SHOC2: variants seen among roughly 807,000 people sequenced by gnomAD.
SHOC2 encodes leucine-rich repeat protein SHOC-2.
Under a neutral mutation model 50.2 loss-of-function variants are expected in SHOC2, and 4 were observed. The observed-to-expected ratio is 0.08, with a 90% confidence interval of 0.04 to 0.18. The LOEUF (loss-of-function observed/expected upper bound fraction) is 0.18. Ranked by LOEUF, SHOC2 falls within the 10% of genes least tolerant of loss-of-function variation. SHOC2 has a pLI of 1.00. For missense variants in SHOC2, 388 were observed against 669.6 expected, an observed-to-expected ratio of 0.58 and a Z score of 4.64; for synonymous variants, 218 against 244.5, an observed-to-expected ratio of 0.89 and a Z score of 1.01.
In SHOC2 at chr10:111,009,258, T is replaced by C; in HGVS notation, c.1295T>C (p.Leu432Ser). The C allele has an allele frequency of 1.3e-6, 2 of 1,567,290 alleles. No individual in the cohort carries two copies. The highest frequency in any genetic ancestry group is 1.8e-6 in the Non-Finnish European group (2 of 1,138,206). ...SGLVSLEVLILSNNLLKKLPH... is the reference protein window; with the variant it reads ...SGLVSLEVLISSNNLLKKLPH... ...ATAATTTCTCATTAGGTTCTTATCT[T>C]ATCAAACAATCTTCTAAAGAAGCTT... The change falls in exon 7 of 9, where the codon TTA becomes TCA. Residue 432 changes from leucine (L) to serine (S), a missense_variant. This residue lies in a region of SHOC2 where 130 missense variants were observed against 208.6 expected (regional missense o/e 0.62). Transcript: ENST00000369452.
In SHOC2 at chr10:110,922,546, C is replaced by T. The variant is rs144258868; in HGVS notation, c.-235+2889C>T. ...AACTCTATATGTAGATATAAGGATG[C>T]ATATTTTTGGAGGCTGAAGATTAAG... On this transcript the variant is annotated intron_variant, in intron 1 of 8. Transcript: ENST00000369452. Among the ~76,000 whole-genome samples, 1,434 of 152,000 alleles carry T rather than the reference C, an allele frequency of 9.4e-3. 7 individuals are homozygous for T. Among genetic ancestry groups the T allele is most frequent in the Non-Finnish European group, 0.015 (1,029 of 67,896 alleles).
At chr10:110,919,780 G>C (rs1206548705) in intron 1 of SHOC2, 123 bp downstream of exon 1, 3 of 393,912 alleles carry the variant, frequency 7.6e-6, no homozygotes, top group Non-Finnish European at 1.3e-5. Flanking sequence ...TGACAGGCGC[G>C]AGCCGGCAGC....
At chr10:110,921,965 G>C (rs1176080980) in intron 1 of SHOC2, among the ~76,000 whole-genome samples, 1 of 151,690 alleles carries the variant, frequency 6.6e-6, no homozygotes, top group Non-Finnish European at 1.5e-5. Context: ...TTTGCAGCTA[G>C]ATCTTTTTTT....
chr10:110,925,090 AAATT>A (rs1324564343), intron 1 of SHOC2, among the ~76,000 whole-genome samples: 1,445 of 124,944 alleles, frequency 0.012, 13 homozygotes, highest in Non-Finnish European at 0.014. Flanking sequence ...AAAAAAAAAA[AAATT>A]AAAATAAAAA....
At chr10:110,968,257 C>T (rs971676293) in intron 2 of SHOC2, among the ~76,000 whole-genome samples, 7 of 151,986 alleles carry the variant, frequency 4.6e-5, no homozygotes, top group South Asian at 2.1e-4. Context: ...TTTATTGTAA[C>T]GGAAAGACAG....
chr10:110,969,471 C>T (rs1483923421), intron 2 of SHOC2, among the ~76,000 whole-genome samples: 4 of 152,068 alleles, frequency 2.6e-5, no homozygotes, highest in Non-Finnish European at 5.9e-5. Flanking sequence ...GTTTGTATAA[C>T]GAATCTATTT....
intron 1 of SHOC2, among the ~76,000 whole-genome samples, chr10:110,923,098 C>T (rs1328074492): frequency 6.6e-6 from 1 of 152,010 alleles, no homozygotes; most frequent in East Asian, 1.9e-4. Context: ...ACTGCTTGGC[C>T]TTCTGAATTT....
In SHOC2 at chr10:111,004,849, T is replaced by C. The variant is rs569836918; in HGVS notation, c.1161+55T>C. On this transcript the variant is annotated intron_variant, in intron 5 of 8. Transcript: ENST00000369452. ...GAATTGCTTTAATTGGTACTTCCACTAATATTTATGTTTTCTCTAATTGTG... is the reference window on the plus strand; with the variant it reads ...GAATTGCTTTAATTGGTACTTCCACCAATATTTATGTTTTCTCTAATTGTG... The C allele has an allele frequency of 5.3e-5, 63 of 1,194,696 alleles. No homozygotes were observed. The African/African-American group carries it at 8.8e-4, about 17-fold the overall frequency. The allele number at this position is 1,194,696 out of a possible 1,614,324, so 74.0% of individuals were successfully genotyped here.
chr10:110,929,316 T>G (rs1228534754), intron 1 of SHOC2, among the ~76,000 whole-genome samples: 1 of 152,192 alleles, frequency 6.6e-6, no homozygotes, highest in East Asian at 1.9e-4. Flanking sequence ...ATGTCAACAT[T>G]TTTTTCTTCC....
intron 1 of SHOC2, among the ~76,000 whole-genome samples, chr10:110,951,349 G>A (rs922299674): frequency 6.6e-6 from 1 of 152,128 alleles, no homozygotes; most frequent in Non-Finnish European, 1.5e-5. Flanking sequence ...CCTGTTAGAT[G>A]TCACCTCATA....
intron 1 of SHOC2, among the ~76,000 whole-genome samples, chr10:110,927,725 G>A (rs1451988889): frequency 2.6e-5 from 4 of 152,130 alleles, no homozygotes; most frequent in South Asian, 2.1e-4. Context: ...TATTGAAACC[G>A]CAAAATGATG....
At chr10:110,980,832 A>G (rs969615948) in intron 2 of SHOC2, among the ~76,000 whole-genome samples, 1 of 151,662 alleles carries the variant, frequency 6.6e-6, no homozygotes, top group East Asian at 1.9e-4. Context: ...GTCAGTTCCA[A>G]CTTCCTTTCC....
At chr10:110,970,146 C>G (rs948867765) in intron 2 of SHOC2, among the ~76,000 whole-genome samples, 2 of 152,150 alleles carry the variant, frequency 1.3e-5, no homozygotes, top group Non-Finnish European at 2.9e-5. Flanking sequence ...TAGAATTCCT[C>G]CTATCTAGCT....
chr10:110,922,663 G>T (rs554672946), intron 1 of SHOC2, among the ~76,000 whole-genome samples: 1 of 151,922 alleles, frequency 6.6e-6, no homozygotes, highest in Non-Finnish European at 1.5e-5. Flanking sequence ...AACAAAATAA[G>T]ATTTTAAAAA....
At chr10:110,956,869 G>A (rs1847474078) in intron 1 of SHOC2, among the ~76,000 whole-genome samples, 1 of 151,616 alleles carries the variant, frequency 6.6e-6, no homozygotes, top group African/African-American at 2.4e-5. Flanking sequence ...TATATTGCCA[G>A]TGAAATATCT....
At chr10:110,958,754 A>G (rs1467429378) in intron 1 of SHOC2, among the ~76,000 whole-genome samples, 1 of 151,980 alleles carries the variant, frequency 6.6e-6, no homozygotes, top group African/African-American at 2.4e-5. Context: ...CCTGTCTTGA[A>G]TAATCATGCT....
chr10:110,940,861 A>G (rs945993143), intron 1 of SHOC2, among the ~76,000 whole-genome samples: 8 of 148,726 alleles, frequency 5.4e-5, no homozygotes, highest in Non-Finnish European at 1.2e-4. Context: ...GATTGACCAC[A>G]CACATTTGTC....
At chr10:110,966,940 C>A (rs991477269) in intron 2 of SHOC2, among the ~76,000 whole-genome samples, 3 of 152,194 alleles carry the variant, frequency 2.0e-5, no homozygotes, top group African/African-American at 7.2e-5. Flanking sequence ...TAATGTTTTT[C>A]ATAAGGAATT....
chr10:110,930,127 C>T (rs1846861603), intron 1 of SHOC2, among the ~76,000 whole-genome samples: 1 of 151,684 alleles, frequency 6.6e-6, no homozygotes. Flanking sequence ...TTTTTAAAAC[C>T]CAAATTATAA....
Sources: allele counts gnomAD v4.1 joint callset (sites outside exome capture counted in the v4.1 genomes callset), GRCh38; gene constraint gnomAD v4.1.1; regional missense constraint gnomAD v4.1.1; transcripts MANE v1.5; gene names NCBI Gene and HGNC (gene_info 2026-07-23, HGNC 2026-07-21).